NOX5: variants seen among roughly 807,000 people sequenced by gnomAD.
NOX5 encodes NADPH oxidase, EF-hand calcium binding domain 5.
In NOX5, 76 loss-of-function variants were observed where a neutral mutation model predicts 85.7. The ratio of observed to expected loss-of-function variants is 0.89; its 90% confidence interval spans 0.74 to 1.07. The LOEUF (loss-of-function observed/expected upper bound fraction) is 1.07. Among genes scored for constraint, NOX5 ranks in the 50% least tolerant of loss-of-function variants. NOX5 has a pLI of 0.00. For missense variants in NOX5, 973 were observed against 999.5 expected (o/e 0.97, Z 0.36); for synonymous variants, 405 against 401.4 (o/e 1.01, Z -0.11).
rs1040892870 is a variant in NOX5, at chr15:69,045,488, T to TCCTCCCTC, written c.1648-1325_1648-1318dup. Among the ~76,000 whole-genome samples, 5 of 143,122 alleles carry TCCTCCCTC rather than the reference T, an allele frequency of 3.5e-5. No individual in the cohort carries two copies. In the South Asian group the frequency reaches 7.0e-4, roughly 20 times the overall value. 93.9% of individuals were successfully genotyped at this position (143,122 alleles called of 152,430 possible). ...TCCTTCCTTCCCTCCCTTCCTCCCTTCCTCCCTCCCTCCCTCTCCCTTCTT... is the reference window on the plus strand; with the variant it reads ...TCCTTCCTTCCCTCCCTTCCTCCCTTCCTCCCTCCCTCCCTCCCTCCCTCTCCCTTCTT... On this transcript the variant is annotated intron_variant, in intron 10 of 15. Coordinates refer to ENST00000388866, the MANE Select transcript of NOX5 (RefSeq NM_024505.4).
Position 69,057,661 on chromosome 15 carries a change from C to T in NOX5, c.*965C>T, listed in dbSNP as rs1475921428. On this transcript the variant is annotated 3_prime_UTR_variant, in exon 16 of 16. Coordinates refer to ENST00000388866, the MANE Select transcript of NOX5 (RefSeq NM_024505.4). ...TAAGCCTGGAAGCTCAGCTCAGCCA[C>T]ACTCTGGCTGTGTGGCCCTGGAAGC... The T allele has an allele frequency of 1.3e-5, 2 of 152,230 alleles. No individual in the cohort carries two copies. The highest frequency in any genetic ancestry group is 1.9e-4 in the East Asian group (1 of 5,196). The allele number at this position is 152,230 out of a possible 1,614,324, so 9.4% of individuals were successfully genotyped here.
At chr15:69,047,166 G>A in intron 11 of NOX5, 3 of 576,512 alleles carry the variant, frequency 5.2e-6, no homozygotes, top group Non-Finnish European at 9.0e-6. Context: ...CACACCCCAG[G>A]GATGCGAATT....
At chr15:69,047,031 C>G in intron 11 of NOX5, 165 bp downstream of exon 11, 1 of 680,632 alleles carries the variant, frequency 1.5e-6, no homozygotes, top group Non-Finnish European at 2.5e-6. Context: ...CATCCCTCCC[C>G]CTGCTCTTTA....
intron 7 of NOX5, 51 bp from the exon 8 acceptor site, chr15:69,036,977 A>T: frequency 4.4e-6 from 6 of 1,358,326 alleles, no homozygotes; most frequent in Non-Finnish European, 6.3e-6. Flanking sequence ...GCTCTGTTCC[A>T]CCCCCCAGGC....
intron 1 of NOX5, among the ~76,000 whole-genome samples, chr15:69,026,118 A>G (rs2050354352): frequency 6.6e-6 from 1 of 152,248 alleles, no homozygotes; most frequent in Admixed American, 6.5e-5. Context: ...GCTGTCAGAG[A>G]GACCAAAGGA....
At chr15:69,021,244 C>T (rs1004469918) in intron 1 of NOX5, among the ~76,000 whole-genome samples, 2 of 152,098 alleles carry the variant, frequency 1.3e-5, no homozygotes, top group Non-Finnish European at 2.9e-5. Context: ...AGATGGTTTA[C>T]CATTGGGTTT....
In NOX5 at chr15:69,047,866, G is replaced by A; in HGVS notation, c.1854G>A (p.Gln618=). The A allele has an allele frequency of 9.9e-6, 16 of 1,614,148 alleles. No individual in the cohort carries two copies. The highest frequency in any genetic ancestry group is 1.3e-5 in the Non-Finnish European group (15 of 1,180,018). ...QKRKHTCPSC[Q]HSWIEGVQDN... ...GAAAGCATACTTGCCCCAGCTGCCA[G>A]CACTCCTGGATCGAAGGTGTCCAAG... The change falls in exon 13 of 16, where the codon CAG becomes CAA. Residue 618 remains glutamine, a synonymous_variant. Transcript: ENST00000388866.
intron 14 of NOX5, among the ~76,000 whole-genome samples, chr15:69,052,900 A>G (rs1427376910): frequency 6.6e-6 from 1 of 152,220 alleles, no homozygotes; most frequent in Non-Finnish European, 1.5e-5. Flanking sequence ...CTAAAGGAAA[A>G]GTTTAAATTT....
At chr15:69,049,188 G>T in intron 14 of NOX5, 130 bp downstream of exon 14, 4 of 443,044 alleles carry the variant, frequency 9.0e-6, no homozygotes, top group East Asian at 4.2e-5. Context: ...AGTGAACCCA[G>T]AGTCTTTTTT....
chr15:69,035,996 C>T, intron 7 of NOX5, 60 bp downstream of exon 7: 1 of 1,596,896 alleles, frequency 6.3e-7, no homozygotes, highest in Non-Finnish European at 8.5e-7. Flanking sequence ...TCATTTCTTT[C>T]TGTGTCCCCT....
chr15:69,034,510 AG>A (rs2050486712), intron 5 of NOX5, among the ~76,000 whole-genome samples: 2 of 152,186 alleles, frequency 1.3e-5, no homozygotes, highest in African/African-American at 2.4e-5. Context: ...AAACTTTTAA[AG>A]CTACTTGTCC....
intron 4 of NOX5, 96 bp downstream of exon 4, chr15:69,031,908 A>ACCCCGCCCTG (rs1338810594): frequency 1.5e-6 from 2 of 1,314,924 alleles, no homozygotes; most frequent in Non-Finnish European, 2.1e-6. Flanking sequence ...ACTCTGCCCT[A>ACCCCGCCCTG]CCCCGCCCTG....
At chr15:69,048,220 C>T (rs568154502) in intron 13 of NOX5, among the ~76,000 whole-genome samples, 1 of 152,182 alleles carries the variant, frequency 6.6e-6, no homozygotes, top group Non-Finnish European at 1.5e-5. Context: ...TATCCATGAC[C>T]CTATGGTGGT....
chr15:69,033,073 C>T lies in NOX5; in HGVS notation c.651C>T (p.Pro217=), dbSNP rs772127736. The T allele has an allele frequency of 5.8e-6, 9 of 1,552,312 alleles. No individual in the cohort carries two copies. Among genetic ancestry groups the T allele is most frequent in the Non-Finnish European group, 6.9e-6 (8 of 1,161,796 alleles). ...SAAHWLTAPA[P]RPRPRRPRQL... Reference sequence around the variant, plus strand: ...CCCACTGGCTGACGGCCCCCGCCCCCCGCCCACGCCCGCGCCGGCCGCGCC... The same window carrying T: ...CCCACTGGCTGACGGCCCCCGCCCCTCGCCCACGCCCGCGCCGGCCGCGCC... Residue 217 remains proline, a synonymous_variant, in exon 5 of 16, where the codon CCC becomes CCT. Coordinates refer to ENST00000388866, the MANE Select transcript of NOX5 (RefSeq NM_024505.4).
chr15:69,027,827 G>C (rs2050377187), intron 2 of NOX5, among the ~76,000 whole-genome samples: 1 of 152,178 alleles, frequency 6.6e-6, no homozygotes. Context: ...CACCCCAAGT[G>C]GGGTGAGACA....
chr15:69,055,884 C>T (rs146261610), intron 15 of NOX5, among the ~76,000 whole-genome samples: 54 of 152,306 alleles, frequency 3.5e-4, no homozygotes, highest in African/African-American at 1.1e-3. Flanking sequence ...CGTTTGCAAT[C>T]CTTTTATTTT....
intron 5 of NOX5, among the ~76,000 whole-genome samples, chr15:69,033,986 G>A (rs983064323): frequency 3.9e-5 from 6 of 151,934 alleles, no homozygotes; most frequent in Admixed American, 1.3e-4. Flanking sequence ...GAGCCACCAC[G>A]CCTGACCTCT....
rs147371233 is a variant in NOX5, at chr15:69,061,893, G to A, written c.*5197G>A. The A allele has an allele frequency of 6.6e-6, 1 of 152,280 alleles. No homozygotes were observed. Among genetic ancestry groups the A allele is most frequent in the East Asian group, 1.9e-4 (1 of 5,178 alleles). The allele number at this position is 152,280 out of a possible 1,614,324, so 9.4% of individuals were successfully genotyped here. A position where few individuals can be genotyped will look rare whatever the true frequency, so the allele number is the denominator to read the frequency against. On this transcript the variant is annotated 3_prime_UTR_variant, in exon 16 of 16. Coordinates refer to ENST00000388866, the MANE Select transcript of NOX5 (RefSeq NM_024505.4). Reference sequence around the variant, plus strand: ...TTTTGGTAAAGGAAAAAAAAATTCTGAGATTTACCCAAATTTGGCTGGACA... The same window carrying A: ...TTTTGGTAAAGGAAAAAAAAATTCTAAGATTTACCCAAATTTGGCTGGACA...
At chr15:69,018,279 C>T (rs1362005547) in intron 1 of NOX5, among the ~76,000 whole-genome samples, 1 of 152,006 alleles carries the variant, frequency 6.6e-6, no homozygotes, top group Non-Finnish European at 1.5e-5. Flanking sequence ...GGTACTTGCT[C>T]AGGCAGGTGA....
Sources: gnomAD v4.1 joint callset for allele counts (sites outside exome capture counted in the v4.1 genomes callset) on GRCh38, gnomAD v4.1.1 for gene constraint, MANE v1.5 for transcripts, NCBI Gene and HGNC (gene_info 2026-07-23, HGNC 2026-07-21) for gene names.